ELAVL2: variants seen among roughly 807,000 people sequenced by gnomAD.
ELAVL2 encodes ELAV-like protein 2.
In ELAVL2, 4 loss-of-function variants were observed where a neutral mutation model predicts 34.6. The observed-to-expected ratio is 0.12, with a 90% CI of 0.06 to 0.26. The LOEUF (loss-of-function observed/expected upper bound fraction) is 0.26. ELAVL2 is among the 10% of genes least tolerant of loss of function. The probability of loss-of-function intolerance (pLI) is 1.00; values close to 1 mark genes in which losing one functional copy is unlikely to be tolerated. For missense variants in ELAVL2, 432 were observed against 442.8 expected, an observed-to-expected ratio of 0.98 and a Z score of 0.22; for synonymous variants, 193 against 154.8, an observed-to-expected ratio of 1.25 and a Z score of -1.83.
chr9:23,740,028 G>T (rs2048792055), intron 2 of ELAVL2, among the ~76,000 whole-genome samples: 1 of 151,748 alleles, frequency 6.6e-6, no homozygotes, highest in Non-Finnish European at 1.5e-5. Flanking sequence ...AAGTCCATGT[G>T]AAACAAAAAT....
At chr9:23,809,144 G>A (rs1169277895) in intron 1 of ELAVL2, among the ~76,000 whole-genome samples, 1 of 152,146 alleles carries the variant, frequency 6.6e-6, no homozygotes, top group African/African-American at 2.4e-5. Flanking sequence ...AGCCTTGTCA[G>A]GATCCCACCT....
intron 1 of ELAVL2, among the ~76,000 whole-genome samples, chr9:23,819,751 A>G (rs968553895): frequency 6.6e-6 from 1 of 152,198 alleles, no homozygotes; most frequent in South Asian, 2.1e-4. Flanking sequence ...CTCTCTCAAA[A>G]AGGAAAATTA....
At chr9:23,747,177 C>A (rs1340856455) in intron 2 of ELAVL2, among the ~76,000 whole-genome samples, 3 of 151,058 alleles carry the variant, frequency 2.0e-5, no homozygotes, top group African/African-American at 7.3e-5. Context: ...TTTTTCCGAT[C>A]TGTTAAGATG....
At chr9:23,755,869 C>G (rs2053432012) in intron 2 of ELAVL2, among the ~76,000 whole-genome samples, 1 of 152,154 alleles carries the variant, frequency 6.6e-6, no homozygotes, top group Admixed American at 6.6e-5. Context: ...AATCAGAATT[C>G]TTGATCTCTT....
chr9:23,724,486 C>T (rs139416148), intron 3 of ELAVL2, among the ~76,000 whole-genome samples: 1 of 152,116 alleles, frequency 6.6e-6, no homozygotes, highest in African/African-American at 2.4e-5. Context: ...ACCCACATTC[C>T]CTAGACCACA....
chr9:23,692,919 C>A, intron 6 of ELAVL2, 35 bp from the exon 7 acceptor site: 6 of 1,579,704 alleles, frequency 3.8e-6, no homozygotes, highest in Admixed American at 3.6e-5. Context: ...CACATACACA[C>A]AAAAAATAAA....
chr9:23,765,075 T>A (rs761128667), intron 1 of ELAVL2: 1 of 1,607,960 alleles, frequency 6.2e-7, no homozygotes, highest in South Asian at 1.1e-5. Context: ...ACAGTCTGAC[T>A]GCCATGTTAG....
intron 1 of ELAVL2, among the ~76,000 whole-genome samples, chr9:23,782,312 T>C (rs1476380390): frequency 6.6e-6 from 1 of 152,138 alleles, no homozygotes; most frequent in African/African-American, 2.4e-5. Flanking sequence ...ACGCAGAGTC[T>C]TAGCATTCTC....
intron 3 of ELAVL2, among the ~76,000 whole-genome samples, chr9:23,727,726 A>G (rs776009751): frequency 1.3e-5 from 2 of 152,028 alleles, no homozygotes; most frequent in Non-Finnish European, 2.9e-5. Context: ...TTTGGGAACA[A>G]ATGCTTTAGG....
At chr9:23,815,818 G>C (rs577706438) in intron 1 of ELAVL2, among the ~76,000 whole-genome samples, 1 of 152,088 alleles carries the variant, frequency 6.6e-6, no homozygotes, top group Non-Finnish European at 1.5e-5. Flanking sequence ...TTGGCCGCAC[G>C]GGCACGGTGA....
At chr9:23,710,904 A>G (rs1180606494) in intron 3 of ELAVL2, among the ~76,000 whole-genome samples, 1 of 152,152 alleles carries the variant, frequency 6.6e-6, no homozygotes, top group East Asian at 1.9e-4. Context: ...TATAGTACAC[A>G]GAAGAAGGGG....
At chr9:23,805,707 G>A (rs181938556) in intron 1 of ELAVL2, among the ~76,000 whole-genome samples, 7 of 152,304 alleles carry the variant, frequency 4.6e-5, no homozygotes. Flanking sequence ...TGCTTCCAAA[G>A]ATACTCAGTG....
upstream of ELAVL2, chr9:23,829,854 G>C (rs2065443381): frequency 6.6e-6 from 1 of 152,148 alleles, no homozygotes; most frequent in Admixed American, 6.5e-5. Context: ...CTTTCTGTGA[G>C]ACACGGAAAC....
chr9:23,823,928 C>A (rs1395248429), intron 1 of ELAVL2, among the ~76,000 whole-genome samples: 2 of 152,140 alleles, frequency 1.3e-5, no homozygotes, highest in African/African-American at 4.8e-5. Context: ...CCTCCCACCC[C>A]CAGAGGATGG....
intron 1 of ELAVL2, among the ~76,000 whole-genome samples, chr9:23,795,524 G>C (rs1588588381): frequency 6.6e-6 from 1 of 152,082 alleles, no homozygotes. Context: ...GCCTGAGCGA[G>C]ACAGAGCAAG....
At chr9:23,715,039 T>C (rs998520148) in intron 3 of ELAVL2, among the ~76,000 whole-genome samples, 5 of 152,180 alleles carry the variant, frequency 3.3e-5, no homozygotes, top group African/African-American at 4.8e-5. Context: ...TATATTACTA[T>C]GTTTTATACT....
At position 23,701,529 on chromosome 9, in the gene ELAVL2, C is replaced by A; in HGVS notation, c.563G>T (p.Gly188Val). 1 of 1,614,046 alleles carries A rather than the reference C, an allele frequency of 6.2e-7. No homozygotes were observed. Among genetic ancestry groups the A allele is most frequent in the Non-Finnish European group, 8.5e-7 (1 of 1,179,992 alleles). ...EAEEAIKGLNGQKPPGATEPI... is the reference protein window; with the variant it reads ...EAEEAIKGLNVQKPPGATEPI... ...CTCCGTGGCACCGGGAGGTTTCTGGCCATTTAGGCCTTTGATAGCTTCTTC... is the reference window on the plus strand; with the variant it reads ...CTCCGTGGCACCGGGAGGTTTCTGGACATTTAGGCCTTTGATAGCTTCTTC... The change falls in exon 5 of 7, where the codon GGC becomes GTC. Residue 188 changes from glycine (G) to valine (V), a missense_variant. By Grantham distance (109) the Gly-to-Val change is moderately radical (BLOSUM62 -3). Coordinates refer to ENST00000397312, the MANE Select transcript of ELAVL2 (RefSeq NM_004432.5).
chr9:23,744,740 C>T (rs1437122849), intron 2 of ELAVL2, among the ~76,000 whole-genome samples: 10 of 151,294 alleles, frequency 6.6e-5, no homozygotes, highest in East Asian at 1.9e-4. Context: ...TTCTCGCGCA[C>T]CCCCCACGAA....
intron 6 of ELAVL2, 105 bp downstream of exon 6, chr9:23,693,343 A>T (rs2033884388): frequency 2.1e-6 from 3 of 1,419,140 alleles, no homozygotes; most frequent in Admixed American, 3.9e-5. Flanking sequence ...CATGCAAAAT[A>T]AAACCCAACA....
Sources: gnomAD v4.1 joint callset for allele counts (sites outside exome capture counted in the v4.1 genomes callset) on GRCh38, gnomAD v4.1.1 for gene constraint, MANE v1.5 for transcripts, NCBI Gene and HGNC (gene_info 2026-07-23, HGNC 2026-07-21) for gene names.